Variants in TMC4 observed in about 807,000 individuals in gnomAD.
TMC4 encodes voltage-gated chloride channel TMC4.
In TMC4, 70 loss-of-function variants were observed where a neutral mutation model predicts 82.0. The observed-to-expected ratio is 0.85, with a 90% CI of 0.70 to 1.04. The LOEUF is 1.04. TMC4 is among the 50% of genes least tolerant of loss of function. The probability of loss-of-function intolerance (pLI) is 0.00; values close to 1 mark genes in which losing one functional copy is unlikely to be tolerated. For synonymous variants in TMC4, 446 were observed against 406.0 expected (o/e 1.10, Z -1.18); for missense variants, 879 against 899.0 (o/e 0.98, Z 0.28).
chr19:54,167,266 A>G (rs117643023), intron 5 of TMC4, among the ~76,000 whole-genome samples: 4,728 of 151,954 alleles, frequency 0.031, 93 homozygotes, highest in Middle Eastern at 0.065. Flanking sequence ...CTGTCTCAAA[A>G]AACAAAACAG....
In TMC4 at chr19:54,169,602, A is replaced by C; in HGVS notation, c.352T>G (p.Trp118Gly). 1 of 1,613,934 alleles carries C rather than the reference A, an allele frequency of 6.2e-7. No individual in the cohort carries two copies. Among genetic ancestry groups the C allele is most frequent in the Middle Eastern group, 1.6e-4 (1 of 6,062 alleles). ...TTGGACCTCCGAAGTAGCCGCGCCC[A>C]TCGGTCCGTCTTAGTTCCAGAGCCA... ...VYGSGTKTDR[W>G]ARLLRRSKEK... is the part of the protein sequence containing the mutation. The change falls in exon 3 of 15, where the codon TGG becomes GGG. Residue 118 changes from tryptophan (W) to glycine (G), a missense_variant. Coordinates refer to ENST00000619895, the MANE Select transcript of TMC4 (RefSeq NM_144686.4).
Position 54,164,563 on chromosome 19 carries a change from C to T in TMC4, c.984G>A (p.Ala328=), listed in dbSNP as rs751173897. The T allele has an allele frequency of 1.3e-5, 21 of 1,613,598 alleles. No homozygotes were observed. The highest frequency in any genetic ancestry group is 2.2e-5 in the East Asian group (1 of 44,896). Residue 328 remains alanine (A), a synonymous_variant, in exon 7 of 15, where the codon GCG becomes GCA. Coordinates refer to ENST00000619895, the MANE Select transcript of TMC4 (RefSeq NM_144686.4). ...LEETVVRRQA[A]VRTLGQQARV... ...TGGCTTGCTGGCCCAGCGTCCGCACCGCAGCCTGGCGCCGCACCACTGTCT... is the reference window on the plus strand; with the variant it reads ...TGGCTTGCTGGCCCAGCGTCCGCACTGCAGCCTGGCGCCGCACCACTGTCT...
rs901491649 is a variant in TMC4 at position 54,162,258 on chromosome 19, C to T, written c.1530G>A (p.Ala510=). 3.1e-6 allele frequency: 5 copies of T among 1,600,226 alleles called. No homozygotes were observed. The African/African-American group carries it at 4.0e-5, about 13-fold the overall frequency. ...CTTGGGTCCCCGCCAGACGACCCAG[C>T]GCCCCAGGACAGAGGCCACAGAGGA... ...RKLLCGLCPG[A]LGRLAGTQEF... Residue 510 remains alanine, a synonymous_variant, in exon 11 of 15, where the codon GCG becomes GCA. Transcript: ENST00000619895.
At chr19:54,165,635 T>C in intron 5 of TMC4, 69 bp from the exon 6 acceptor site, 1 of 1,518,292 alleles carries the variant, frequency 6.6e-7, no homozygotes, top group Admixed American at 1.9e-5. Flanking sequence ...GGGAGACCCC[T>C]CATATTGGGA....
At chr19:54,164,300 C>T in intron 7 of TMC4, 134 bp downstream of exon 7, 1 of 1,183,334 alleles carries the variant, frequency 8.5e-7, no homozygotes, top group Non-Finnish European at 1.2e-6. Context: ...ATCCCTAAGT[C>T]CAGGGTCCGA....
chr19:54,169,547 A>C lies in TMC4; in HGVS notation c.407T>G (p.Leu136Arg). Reference protein sequence around the residue: ...KEKTKEGLRSLQPWAWTLKRI... With the variant: ...KEKTKEGLRSRQPWAWTLKRI... ...CTTCAGTGTCCACGCCCAGGGCTGC[A>C]GGCTTCGCAAGCCTTCCTTTGTTTT... is the stretch of plus-strand genomic sequence containing the variant. Residue 136 changes from leucine (L) to arginine (R), a missense_variant, in exon 3 of 15, where the codon CTG (leucine) becomes CGG (arginine). Physicochemically the swap from Leu to Arg is moderately radical, Grantham distance 102. Coordinates refer to ENST00000619895, the MANE Select transcript of TMC4 (RefSeq NM_144686.4). 1 of 1,613,566 alleles carries C rather than the reference A, an allele frequency of 6.2e-7. No individual in the cohort carries two copies. The highest frequency in any genetic ancestry group is 2.2e-5 in the East Asian group (1 of 44,844).
chr19:54,160,606 G>C, intron 13 of TMC4, 61 bp from the exon 14 acceptor site: 1 of 1,610,172 alleles, frequency 6.2e-7, no homozygotes, highest in Non-Finnish European at 8.5e-7. Context: ...CCAAACGTCT[G>C]GCTCCTTCGA....
At chr19:54,163,304 CTTTCTT>C (rs1307360212) in intron 8 of TMC4, 145 bp from the exon 9 acceptor site, 354 of 793,848 alleles carry the variant, frequency 4.5e-4, no homozygotes, top group East Asian at 1.8e-3. Flanking sequence ...TTCTTTCTTT[CTTTCTT>C]TTTTTTTTTT....
At position 54,165,533 on chromosome 19, in the gene TMC4, C is replaced by T. The variant is rs1322352132; in HGVS notation, c.831G>A (p.Ala277=). The T allele has an allele frequency of 4.3e-6, 7 of 1,610,294 alleles. No homozygotes were observed. The highest frequency in any genetic ancestry group is 1.7e-4 in the Middle Eastern group (1 of 6,052). ...SVSGLKQTLL[A]ESEALTSYSH... is the part of the protein sequence containing the mutation. The stretch of plus-strand genomic sequence containing the variant: ...TGTAGCTGGTCAGAGCCTCGGACTC[C>T]GCCAGCAGTGTCTGCTTCAGCCCAG... Residue 277 remains alanine, a synonymous_variant, in exon 6 of 15, where the codon GCG becomes GCA. Transcript: ENST00000619895.
At chr19:54,160,844 T>G in intron 13 of TMC4, 34 bp downstream of exon 13, 1 of 1,610,290 alleles carries the variant, frequency 6.2e-7, no homozygotes, top group South Asian at 1.1e-5. Flanking sequence ...TCACACGCAT[T>G]CAAACCCAGA....
At chr19:54,171,107 A>G (rs1330732298) in intron 2 of TMC4, among the ~76,000 whole-genome samples, 4,513 of 149,694 alleles carry the variant, frequency 0.03, 219 homozygotes, top group African/African-American at 0.11. Flanking sequence ...ACATATGCAT[A>G]TATATACGCA....
At chr19:54,167,235 GC>G (rs2075727328) in intron 5 of TMC4, among the ~76,000 whole-genome samples, 1 of 152,050 alleles carries the variant, frequency 6.6e-6, no homozygotes, top group African/African-American at 2.4e-5. Flanking sequence ...CTGCACGCTA[GC>G]CGGGTGACAG....
At chr19:54,172,623 A>G in intron 1 of TMC4, 1 of 277,676 alleles carries the variant, frequency 3.6e-6, no homozygotes, top group Non-Finnish European at 6.6e-6. Context: ...CTCCTCCCTC[A>G]GGCCCAGGAG....
At chr19:54,167,710 G>A (rs1363989174) in intron 5 of TMC4, among the ~76,000 whole-genome samples, 3 of 148,412 alleles carry the variant, frequency 2.0e-5, no homozygotes, top group Non-Finnish European at 4.5e-5. Context: ...CTGGGCCACC[G>A]CTCCTGGCCC....
chr19:54,169,179 G>A (rs1363847312), intron 3 of TMC4, among the ~76,000 whole-genome samples: 1 of 149,802 alleles, frequency 6.7e-6, no homozygotes, highest in Non-Finnish European at 1.5e-5. Context: ...GATTACAGGC[G>A]TGCGCCACCA....
intron 2 of TMC4, among the ~76,000 whole-genome samples, chr19:54,171,507 G>C (rs547279742): frequency 3.9e-5 from 6 of 152,332 alleles, no homozygotes; most frequent in South Asian, 2.1e-4. Context: ...TAAAGAGAGG[G>C]AGGCTTGGAA....
At chr19:54,172,414 A>C (rs7245687) in intron 1 of TMC4, among the ~76,000 whole-genome samples, 3 of 17,822 alleles carry the variant, frequency 1.7e-4, no homozygotes, top group East Asian at 1.6e-3. Flanking sequence ...ACCCAGGAGA[A>C]CAGGCCCCCG....
At chr19:54,165,269 C>G (rs951650539) in intron 6 of TMC4, 150 bp downstream of exon 6, 1 of 952,710 alleles carries the variant, frequency 1.0e-6, no homozygotes, top group East Asian at 2.7e-5. Flanking sequence ...CTCCTCTCAA[C>G]CTTCTCATTC....
At position 54,160,502 on chromosome 19, in the gene TMC4, G is replaced by A; in HGVS notation, c.2017C>T (p.Arg673Cys). 6.2e-7 allele frequency: 1 copy of A among 1,614,174 alleles called. No individual in the cohort carries two copies. Among genetic ancestry groups the A allele is most frequent in the South Asian group, 1.1e-5 (1 of 91,080 alleles). Residue 673 changes from arginine to cysteine, a missense_variant, in exon 14 of 15, where the codon CGC becomes TGC. Physicochemically the swap from Arg to Cys is radical, Grantham distance 180. Transcript: ENST00000619895. ...TGACGTTTGAGCTCAGAGATGAGGC[G>A]TCCGTAGGAGTTAGCCAGAGCCACA... ...YTVALANSYG[R>C]LISELKRQRE...
Sources: gnomAD v4.1 joint callset for allele counts (sites outside exome capture counted in the v4.1 genomes callset) on GRCh38, gnomAD v4.1.1 for gene constraint, MANE v1.5 for transcripts, NCBI Gene and HGNC (gene_info 2026-07-23, HGNC 2026-07-21) for gene names.